EYS: variants seen among roughly 807,000 people sequenced by gnomAD.
EYS encodes the protein EGF-like photoreceptor maintenance factor.
Under a neutral mutation model 282.1 loss-of-function variants are expected in EYS, and 250 were observed. The observed-to-expected ratio is 0.89, with a 90% confidence interval of 0.80 to 0.98. The LOEUF is 0.98. EYS is among the 50% of genes least tolerant of loss of function. The pLI is 0.00. For synonymous variants in EYS, 1,355 were observed against 1,282.9 expected, an observed-to-expected ratio of 1.06 and a Z score of -1.20; for missense variants, 4,016 against 3,709.0, an observed-to-expected ratio of 1.08 and a Z score of -2.15.
intron 12 of EYS, among the ~76,000 whole-genome samples, chr6:65,157,608 T>A (rs1262584455): frequency 1.3e-5 from 2 of 150,688 alleles, no homozygotes; most frequent in Non-Finnish European, 3.0e-5. Flanking sequence ...AATTTTTAGA[T>A]AAAAGAAAAA....
In EYS at chr6:65,227,409, A is replaced by G. The variant is rs550465936; in HGVS notation, c.2023+68454T>C. On this transcript the variant is annotated intron_variant, in intron 12 of 42. Transcript: ENST00000503581. ...CTATTAGGAGGGCTATTATTTAAAA[A>G]TACACATATAAGAACATGAAATAAT... 2.0e-5 allele frequency among the ~76,000 whole-genome samples: 3 copies of G among 152,308 alleles called. No individual in the cohort carries two copies. In the South Asian group the frequency reaches 6.2e-4, roughly 32 times the overall value.
intron 2 of EYS, among the ~76,000 whole-genome samples, chr6:65,638,518 CTG>C: frequency 6.6e-6 from 1 of 152,210 alleles, no homozygotes; most frequent in Non-Finnish European, 1.5e-5. Context: ...CTTTGGGGCT[CTG>C]TGGTTCCTGG....
At chr6:64,304,393 A>G (rs942895819) in intron 30 of EYS, among the ~76,000 whole-genome samples, 5 of 152,250 alleles carry the variant, frequency 3.3e-5, no homozygotes, top group African/African-American at 4.8e-5. Context: ...GATGTAAAAG[A>G]TAAGTAAGGA....
intron 1 of EYS, among the ~76,000 whole-genome samples, chr6:65,688,851 G>A (rs1416251108): frequency 1.2e-4 from 18 of 151,718 alleles, no homozygotes; most frequent in East Asian, 9.9e-4. Flanking sequence ...TTAGAATGGC[G>A]ATCATTAAAA....
At chr6:63,885,195 T>C (rs1241335580) in intron 35 of EYS, among the ~76,000 whole-genome samples, 1 of 152,138 alleles carries the variant, frequency 6.6e-6, no homozygotes, top group East Asian at 1.9e-4. Context: ...GCACCAAACA[T>C]ATAGGAGTAA....
At chr6:64,127,630 A>G (rs6900410) in intron 31 of EYS, among the ~76,000 whole-genome samples, 2,942 of 152,276 alleles carry the variant, frequency 0.019, 82 homozygotes, top group African/African-American at 0.066. Context: ...TTGAAAATGT[A>G]ATTCACAAGC....
intron 35 of EYS, among the ~76,000 whole-genome samples, chr6:63,957,309 G>A (rs1765870116): frequency 7.1e-6 from 1 of 140,708 alleles, no homozygotes; most frequent in Non-Finnish European, 1.6e-5. Context: ...ATGTGCAAGA[G>A]CTGGAACAAC....
In EYS at chr6:64,762,931, G is replaced by A. The variant is rs564463225; in HGVS notation, c.3443+50447C>T. Among the ~76,000 whole-genome samples the A allele has an allele frequency of 5.3e-5, 8 of 152,146 alleles. No individual in the cohort carries two copies. In the East Asian group the frequency reaches 1.4e-3, roughly 26 times the overall value. On this transcript the variant is annotated intron_variant, in intron 22 of 42. Coordinates refer to ENST00000503581, the MANE Select transcript of EYS (RefSeq NM_001142800.2). Reference sequence around the variant, plus strand: ...GAATTTATTTCATAAAATACTCTGTGGAATGGCATGTTAGAAATACATTCC... The same window carrying A: ...GAATTTATTTCATAAAATACTCTGTAGAATGGCATGTTAGAAATACATTCC...
At chr6:65,640,658 A>C (rs1362328125) in intron 1 of EYS, among the ~76,000 whole-genome samples, 3 of 152,080 alleles carry the variant, frequency 2.0e-5, no homozygotes, top group Non-Finnish European at 4.4e-5. Context: ...ATATCATTTT[A>C]CTGTTTTCTG....
chr6:64,819,791 T>C (rs532442844), intron 21 of EYS, among the ~76,000 whole-genome samples: 2 of 151,972 alleles, frequency 1.3e-5, no homozygotes, highest in Admixed American at 1.3e-4. Context: ...CCAGACTTTA[T>C]AAAAGATTTG....
chr6:64,487,131 A>G (rs1776598722), intron 26 of EYS, among the ~76,000 whole-genome samples: 1 of 151,194 alleles, frequency 6.6e-6, no homozygotes, highest in Admixed American at 6.6e-5. Context: ...AAACTGATCT[A>G]TAGAGATTTA....
At position 65,670,100 on chromosome 6, in the gene EYS, T is replaced by G. The variant is rs940726681; in HGVS notation, c.-447-30208A>C. On this transcript the variant is annotated intron_variant, in intron 1 of 42. Transcript: ENST00000503581. ...CAACAAGATTAACCCTGCACCTTTC[T>G]GTTTCTCCTTTTATCATCTTTCAAT... Among the ~76,000 whole-genome samples, 6 of 152,220 alleles carry G rather than the reference T, an allele frequency of 3.9e-5. No homozygotes were observed. The South Asian group carries it at 1.2e-3, about 31-fold the overall frequency.
Position 64,886,778 on chromosome 6 carries a change from T to C in EYS, c.2911A>G (p.Lys971Glu), listed in dbSNP as rs1482959642. ...TCTTCATCTAGACAAGGTGAGATTT[T>C]ACATTTATTTACATCAAGTTCACAG... ...PFCELDVNKC[K>E]ISPCLDEENC... is the part of the protein sequence containing the mutation. Residue 971 changes from lysine (K) to glutamate (E), a missense_variant, in exon 19 of 43, where the codon AAA becomes GAA. By Grantham distance (56) the Lys-to-Glu change is moderately conservative (BLOSUM62 1). Coordinates refer to ENST00000503581, the MANE Select transcript of EYS (RefSeq NM_001142800.2). 2.6e-6 allele frequency: 4 copies of C among 1,546,866 alleles called. No individual in the cohort carries two copies. Among genetic ancestry groups the C allele is most frequent in the Non-Finnish European group, 3.5e-6 (4 of 1,143,942 alleles).
intron 35 of EYS, among the ~76,000 whole-genome samples, chr6:63,963,610 T>C (rs1766178949): frequency 6.6e-6 from 1 of 152,182 alleles, no homozygotes; most frequent in Non-Finnish European, 1.5e-5. Flanking sequence ...TTATTGCAAA[T>C]GTTGACTGGC....
chr6:64,473,462 G>C (rs1776178982), intron 26 of EYS, among the ~76,000 whole-genome samples: 2 of 152,098 alleles, frequency 1.3e-5, no homozygotes, highest in Admixed American at 1.3e-4. Flanking sequence ...CACACTTAAA[G>C]ACTAATGAAT....
intron 11 of EYS, chr6:65,329,614 C>T: frequency 2.2e-5 from 22 of 980,610 alleles, no homozygotes; most frequent in Non-Finnish European, 2.7e-5. Flanking sequence ...AAAACTTTTA[C>T]TTGAAGGCAG....
chr6:63,775,838 T>G (rs1770051269), intron 40 of EYS, among the ~76,000 whole-genome samples: 1 of 152,146 alleles, frequency 6.6e-6, no homozygotes, highest in Non-Finnish European at 1.5e-5. Context: ...ACAGCTTTAT[T>G]GAGGTATAAT....
At chr6:65,546,392 G>A (rs901258356) in intron 2 of EYS, among the ~76,000 whole-genome samples, 4 of 151,206 alleles carry the variant, frequency 2.6e-5, no homozygotes, top group Non-Finnish European at 4.4e-5. Flanking sequence ...TTTTCAAAAT[G>A]GCAAAACTGT....
chr6:64,851,147 G>C (rs972910681), intron 19 of EYS, among the ~76,000 whole-genome samples: 1 of 152,006 alleles, frequency 6.6e-6, no homozygotes, highest in Admixed American at 6.6e-5. Context: ...GGATGAAATG[G>C]AGCTGCCACC....
Sources: allele counts gnomAD v4.1 joint callset (sites outside exome capture counted in the v4.1 genomes callset), GRCh38; gene constraint gnomAD v4.1.1; transcripts MANE v1.5; gene names NCBI Gene and HGNC (gene_info 2026-07-23, HGNC 2026-07-21).